NAALADL2: variants seen among roughly 807,000 people sequenced by gnomAD.
The protein encoded by NAALADL2 is N-acetylated alpha-linked acidic dipeptidase like 2, also known as inactive N-acetylated-alpha-linked acidic dipeptidase-like protein 2.
In NAALADL2, 76 loss-of-function variants were observed where a neutral mutation model predicts 87.2. That is an observed-to-expected ratio of 0.87 (90% CI 0.72 to 1.05). The LOEUF (loss-of-function observed/expected upper bound fraction) is 1.05. Ranked by LOEUF, NAALADL2 falls within the 50% of genes least tolerant of loss-of-function variation. The pLI, the probability that NAALADL2 is intolerant of heterozygous loss-of-function variation, is 0.00. For synonymous variants in NAALADL2, 354 were observed against 331.0 expected, an observed-to-expected ratio of 1.07 and a Z score of -0.75; for missense variants, 1,089 against 945.8, an observed-to-expected ratio of 1.15 and a Z score of -1.99.
At chr3:175,770,102 A>G (rs1299957549) in intron 13 of NAALADL2, among the ~76,000 whole-genome samples, 2 of 152,196 alleles carry the variant, frequency 1.3e-5, no homozygotes. Flanking sequence ...CTTCACAGCA[A>G]CATATGGACT....
chr3:174,837,873 A>C (rs1214233547), intron 3 of NAALADL2, among the ~76,000 whole-genome samples: 1 of 152,004 alleles, frequency 6.6e-6, no homozygotes, highest in Non-Finnish European at 1.5e-5. Context: ...GATTCACAGC[A>C]GAATTCTACC....
At chr3:174,529,635 G>A (rs73040547) in intron 1 of NAALADL2, among the ~76,000 whole-genome samples, 2,699 of 152,252 alleles carry the variant, frequency 0.018, 77 homozygotes, top group African/African-American at 0.063. Context: ...GAACATCCAG[G>A]CATTTTCATA....
intron 2 of NAALADL2, among the ~76,000 whole-genome samples, chr3:174,689,633 A>G (rs1728380775): frequency 6.6e-6 from 1 of 151,976 alleles, no homozygotes; most frequent in African/African-American, 2.4e-5. Context: ...GGGCTCTTCT[A>G]ATTAGTCATG....
At chr3:174,757,463 G>A (rs1025255609) in intron 3 of NAALADL2, among the ~76,000 whole-genome samples, 4 of 151,976 alleles carry the variant, frequency 2.6e-5, no homozygotes, top group Non-Finnish European at 4.4e-5. Flanking sequence ...GTTTTCCTCA[G>A]TGTTGGCCTG....
At chr3:175,401,535 A>G (rs544978125) in intron 5 of NAALADL2, among the ~76,000 whole-genome samples, 1 of 152,276 alleles carries the variant, frequency 6.6e-6, no homozygotes, top group East Asian at 1.9e-4. Context: ...TACTTACACA[A>G]ACCCAGATTA....
At chr3:174,600,886 T>C (rs1240364914) in intron 2 of NAALADL2, among the ~76,000 whole-genome samples, 1 of 152,080 alleles carries the variant, frequency 6.6e-6, no homozygotes, top group African/African-American at 2.4e-5. Flanking sequence ...CCAGGCCCCA[T>C]CTCCAACACT....
chr3:175,422,007 A>G (rs1476836949), intron 5 of NAALADL2, among the ~76,000 whole-genome samples: 3 of 152,098 alleles, frequency 2.0e-5, no homozygotes, highest in Non-Finnish European at 2.9e-5. Context: ...AAACAGTGGT[A>G]GGAAATAAGG....
At chr3:175,725,462 A>G (rs1742793838) in intron 11 of NAALADL2, among the ~76,000 whole-genome samples, 1 of 152,164 alleles carries the variant, frequency 6.6e-6, no homozygotes, top group Non-Finnish European at 1.5e-5. Context: ...AGACATGAGA[A>G]TTAGCATTGG....
intron 9 of NAALADL2, among the ~76,000 whole-genome samples, chr3:175,493,001 CAG>C (rs1378282859): frequency 6.6e-6 from 1 of 151,974 alleles, no homozygotes; most frequent in Non-Finnish European, 1.5e-5. Flanking sequence ...ATGTTTATAA[CAG>C]ATATTTATGT....
intron 1 of NAALADL2, among the ~76,000 whole-genome samples, chr3:175,040,220 T>A (rs1753905410): frequency 6.6e-6 from 1 of 152,168 alleles, no homozygotes; most frequent in Non-Finnish European, 1.5e-5. Context: ...AATAAACTGG[T>A]GTCACTGTCC....
At chr3:175,495,073 C>CATATATATATAT (rs372953738) in intron 9 of NAALADL2, among the ~76,000 whole-genome samples, 1 of 126,182 alleles carries the variant, frequency 7.9e-6, no homozygotes. Context: ...TAAGCAATCC[C>CATATATATATAT]ATATATATAT....
chr3:175,450,319 G>T (rs910744474), intron 6 of NAALADL2, among the ~76,000 whole-genome samples: 4 of 152,006 alleles, frequency 2.6e-5, no homozygotes, highest in African/African-American at 7.2e-5. Context: ...AAGGATAAAA[G>T]AAATAATTTA....
intron 4 of NAALADL2, among the ~76,000 whole-genome samples, chr3:175,317,789 T>C (rs1581394417): frequency 6.6e-6 from 1 of 152,190 alleles, no homozygotes; most frequent in African/African-American, 2.4e-5. Context: ...TTGGTAAATA[T>C]TGCTTAAAAA....
intron 5 of NAALADL2, among the ~76,000 whole-genome samples, chr3:175,381,793 C>T (rs930409564): frequency 3.3e-5 from 5 of 152,188 alleles, no homozygotes; most frequent in East Asian, 3.9e-4. Flanking sequence ...TTTTGTGTGA[C>T]GTGTGTCTCA....
chr3:174,610,723 G>C (rs971229031), intron 2 of NAALADL2, among the ~76,000 whole-genome samples: 1 of 123,726 alleles, frequency 8.1e-6, no homozygotes, highest in Admixed American at 8.8e-5. Context: ...TGTTGGGACC[G>C]TAAACTAGTT....
chr3:174,451,429 A>G (rs1157529897), intron 1 of NAALADL2, among the ~76,000 whole-genome samples: 4 of 152,232 alleles, frequency 2.6e-5, no homozygotes, highest in Non-Finnish European at 5.9e-5. Context: ...TCAAGAATTC[A>G]ATTTTAAAGC....
chr3:174,833,425 C>T lies in NAALADL2; in HGVS notation c.-9+95679C>T, dbSNP rs569474686. Among the ~76,000 whole-genome samples the T allele has an allele frequency of 2.4e-4, 36 of 152,110 alleles. 1 individual carries two copies. The South Asian group carries it at 7.1e-3, about 30-fold the overall frequency. ...ACAAATTTGTAGTTAAAAACCATTC[C>T]AGAAAGGAAGCTCCAGGCTTAGATG... On this transcript the variant is annotated intron_variant, in intron 3 of 3. Transcript: ENST00000434257.
chr3:174,476,752 G>A (rs1717241890), intron 1 of NAALADL2, among the ~76,000 whole-genome samples: 1 of 151,934 alleles, frequency 6.6e-6, no homozygotes, highest in South Asian at 2.1e-4. Context: ...CGTCAGTGTC[G>A]ATGTTTATCC....
intron 1 of NAALADL2, among the ~76,000 whole-genome samples, chr3:174,927,963 A>G (rs970519727): frequency 6.6e-6 from 1 of 152,190 alleles, no homozygotes; most frequent in Non-Finnish European, 1.5e-5. Flanking sequence ...TAGTGAGCAC[A>G]CAGGTAGAAA....
Sources: allele counts gnomAD v4.1 joint callset (sites outside exome capture counted in the v4.1 genomes callset), GRCh38; gene constraint gnomAD v4.1.1; transcripts MANE v1.5; gene names NCBI Gene and HGNC (gene_info 2026-07-23, HGNC 2026-07-21).